The following MAP4K4 variants were observed in gnomAD, a reference collection of about 807,000 sequenced individuals.
The protein encoded by MAP4K4 is mitogen-activated protein kinase kinase kinase kinase 4.
A neutral mutation model predicts 189.6 loss-of-function variants in MAP4K4; 38 were observed. The observed-to-expected ratio is 0.20, with a 90% confidence interval of 0.15 to 0.26. The LOEUF (loss-of-function observed/expected upper bound fraction) is 0.26, where lower values mean the gene tolerates loss of function less well. Ranked by LOEUF, MAP4K4 falls within the 10% of genes least tolerant of loss-of-function variation. The pLI is 1.00. For missense variants in MAP4K4, 1,054 were observed against 1,726.9 expected (o/e 0.61, Z 6.91); for synonymous variants, 610 against 624.3 (o/e 0.98, Z 0.34).
At position 101,887,042 on chromosome 2, in the gene MAP4K4, AAAT is replaced by A. The variant is rs764995547; in HGVS notation, c.3622-45_3622-43del. ...TCCGTCTCAAAAAAAAAAAAAAAAAAAATGTTCTCCTTCATCTTCTCACTTCTC... is the reference window on the plus strand; with the variant it reads ...TCCGTCTCAAAAAAAAAAAAAAAAAAGTTCTCCTTCATCTTCTCACTTCTC... On this transcript the variant is annotated intron_variant, in intron 29 of 32. Coordinates refer to ENST00000324219, the Ensembl canonical transcript of MAP4K4. 45 of 1,334,518 alleles carry A rather than the reference AAAT, an allele frequency of 3.4e-5. No homozygotes were observed. In the African/African-American group the frequency reaches 6.0e-4, roughly 18 times the overall value. The allele number at this position is 1,334,518 out of a possible 1,614,324, so 82.7% of individuals were successfully genotyped here. A position where few individuals can be genotyped will look rare whatever the true frequency, so the allele number is the denominator to read the frequency against.
At chr2:101,725,605 C>T (rs1307859026) in intron 2 of MAP4K4, among the ~76,000 whole-genome samples, 1 of 152,168 alleles carries the variant, frequency 6.6e-6, no homozygotes, top group Admixed American at 6.5e-5. Context: ...GTGTGGTACA[C>T]TTGAACTGTG....
intron 31 of MAP4K4, 51 bp downstream of exon 31, chr2:101,887,988 G>T: frequency 6.8e-6 from 10 of 1,475,490 alleles, no homozygotes; most frequent in Non-Finnish European, 8.3e-6. Flanking sequence ...AGCCGTGTCT[G>T]AGACTCCATT....
intron 2 of MAP4K4, among the ~76,000 whole-genome samples, chr2:101,720,564 A>G (rs2051273050): frequency 6.6e-6 from 1 of 152,116 alleles, no homozygotes; most frequent in Non-Finnish European, 1.5e-5. Context: ...GTCAGCATAT[A>G]GTAGACTGCC....
At chr2:101,712,867 G>A (rs1381706477) in intron 2 of MAP4K4, among the ~76,000 whole-genome samples, 1 of 151,272 alleles carries the variant, frequency 6.6e-6, no homozygotes, top group Non-Finnish European at 1.5e-5. Context: ...TGAACTTCAA[G>A]GGTTGATTAA....
chr2:101,828,940 G>A (rs1159860946), intron 5 of MAP4K4, among the ~76,000 whole-genome samples: 2 of 152,164 alleles, frequency 1.3e-5, no homozygotes, highest in Admixed American at 6.5e-5. Context: ...TGTTTCCTTG[G>A]GAAAGAAAGA....
chr2:101,788,881 A>G (rs1336197605), intron 2 of MAP4K4, among the ~76,000 whole-genome samples: 1 of 152,186 alleles, frequency 6.6e-6, no homozygotes, highest in East Asian at 1.9e-4. Flanking sequence ...GAAAAAAGAA[A>G]AAAAAAGATC....
chr2:101,741,829 T>G (rs1367959281), intron 2 of MAP4K4, among the ~76,000 whole-genome samples: 2 of 152,170 alleles, frequency 1.3e-5, no homozygotes, highest in Non-Finnish European at 2.9e-5. Flanking sequence ...TGATTCTCAG[T>G]GTACTTATTT....
At chr2:101,768,609 TAACAG>T (rs1173116995) in intron 2 of MAP4K4, among the ~76,000 whole-genome samples, 5 of 152,180 alleles carry the variant, frequency 3.3e-5, no homozygotes, top group Non-Finnish European at 5.9e-5. Flanking sequence ...ATCCCCCAAA[TAACAG>T]TGTACACAGT....
chr2:101,883,521 C>G (rs1384401048), intron 28 of MAP4K4, among the ~76,000 whole-genome samples: 1 of 151,988 alleles, frequency 6.6e-6, no homozygotes, highest in Non-Finnish European at 1.5e-5. Context: ...TTTTTTTAAA[C>G]ATGAAAAAAC....
intron 2 of MAP4K4, among the ~76,000 whole-genome samples, chr2:101,708,354 A>G (rs1286588054): frequency 6.6e-6 from 1 of 152,238 alleles, no homozygotes; most frequent in Non-Finnish European, 1.5e-5. Flanking sequence ...CAATGAAACA[A>G]TAACAATAAC....
intron 2 of MAP4K4, among the ~76,000 whole-genome samples, chr2:101,738,016 A>T (rs1038839148): frequency 9.8e-5 from 15 of 152,294 alleles, no homozygotes; most frequent in African/African-American, 3.6e-4. Context: ...TATGGCTTGT[A>T]GGTGGCAGGG....
intron 3 of MAP4K4, among the ~76,000 whole-genome samples, chr2:101,794,364 C>T (rs546140225): frequency 6.6e-6 from 1 of 152,270 alleles, no homozygotes; most frequent in East Asian, 1.9e-4. Flanking sequence ...AGTGATTGCT[C>T]AACTTGGAGT....
intron 21 of MAP4K4, among the ~76,000 whole-genome samples, chr2:101,868,686 C>G (rs1040950011): frequency 6.6e-6 from 1 of 152,218 alleles, no homozygotes; most frequent in Non-Finnish European, 1.5e-5. Flanking sequence ...TAGGGACGCC[C>G]ACAGCCTCCT....
intron 12 of MAP4K4, among the ~76,000 whole-genome samples, chr2:101,849,305 T>A (rs2097205599): frequency 6.6e-6 from 1 of 152,056 alleles, no homozygotes; most frequent in Non-Finnish European, 1.5e-5. Flanking sequence ...GTATTTTTTG[T>A]TTTGTAGAGA....
chr2:101,786,123 C>T lies in MAP4K4; in HGVS notation c.124-4597C>T, dbSNP rs79739248. On this transcript the variant is annotated intron_variant, in intron 2 of 32. Coordinates refer to ENST00000324219, the Ensembl canonical transcript of MAP4K4. ...TACAGGTGTGAGCCATTGCACCCGG[C>T]CGGCATCTTTTTCTTTTGGGATTTA... Among the ~76,000 whole-genome samples the T allele has an allele frequency of 2.6e-4, 40 of 152,192 alleles. No homozygotes were observed. In the East Asian group the frequency reaches 7.7e-3, roughly 29 times the overall value.
In MAP4K4 at chr2:101,866,656, T is replaced by G. The variant is rs993128816; in HGVS notation, c.2356+77T>G. On this transcript the variant is annotated intron_variant, in intron 19 of 32. Transcript: ENST00000324219. ...CATATCTTGGAAGTTTGTCTTAATC[T>G]GTAGTTTGCGTGTAGCCACACGTCA... 2.6e-6 allele frequency: 4 copies of G among 1,550,598 alleles called. No homozygotes were observed. In the African/African-American group the frequency reaches 4.1e-5, roughly 16 times the overall value.
At chr2:101,830,097 G>GT (rs376706649) in intron 6 of MAP4K4, among the ~76,000 whole-genome samples, 2 of 151,840 alleles carry the variant, frequency 1.3e-5, no homozygotes, top group African/African-American at 2.4e-5. Flanking sequence ...TGAAGTCACA[G>GT]TTTTTTTTCT....
intron 3 of MAP4K4, chr2:101,797,393 A>G (rs1367805446): frequency 7.7e-7 from 1 of 1,290,624 alleles, no homozygotes; most frequent in Non-Finnish European, 1.0e-6. Context: ...GGTGAGCCAG[A>G]AATGTATCAG....
chr2:101,712,011 G>A (rs1226896658), intron 2 of MAP4K4, among the ~76,000 whole-genome samples: 2 of 77,504 alleles, frequency 2.6e-5, no homozygotes, highest in East Asian at 7.1e-4. Flanking sequence ...GATTCCTTTT[G>A]CTGACTTATT....
Sources: allele counts gnomAD v4.1 joint callset (sites outside exome capture counted in the v4.1 genomes callset), GRCh38; gene constraint gnomAD v4.1.1; transcripts MANE v1.5; gene names NCBI Gene and HGNC (gene_info 2026-07-23, HGNC 2026-07-21).